Variants in WDPCP observed in about 807,000 individuals in gnomAD.
WDPCP encodes WD repeat-containing and planar cell polarity effector protein fritz homolog.
A neutral mutation model predicts 93.1 loss-of-function variants in WDPCP; 71 were observed. That is an observed-to-expected ratio of 0.76 (90% confidence interval 0.63 to 0.93). The LOEUF (loss-of-function observed/expected upper bound fraction) is 0.93. Among genes scored for constraint, WDPCP ranks in the 40% least tolerant of loss-of-function variants. The pLI, the probability that WDPCP is intolerant of heterozygous loss-of-function variation, is 0.00. For missense variants in WDPCP, 844 were observed against 887.4 expected, an observed-to-expected ratio of 0.95 and a Z score of 0.62; for synonymous variants, 315 against 315.0, an observed-to-expected ratio of 1.00 and a Z score of 0.00.
chr2:63,621,559 T>C (rs1460196572), intron 3 of WDPCP, among the ~76,000 whole-genome samples: 1 of 152,176 alleles, frequency 6.6e-6, no homozygotes, highest in Non-Finnish European at 1.5e-5. Context: ...TTGGTGTACC[T>C]GAAAGTGATG....
At chr2:63,208,300 A>G (rs1480234424) in intron 14 of WDPCP, among the ~76,000 whole-genome samples, 1 of 152,156 alleles carries the variant, frequency 6.6e-6, no homozygotes, top group Non-Finnish European at 1.5e-5. Context: ...TTTATGGAAA[A>G]CTGCCTTTTC....
intron 6 of WDPCP, among the ~76,000 whole-genome samples, chr2:63,451,458 T>G (rs1013456439): frequency 1.3e-5 from 2 of 152,156 alleles, no homozygotes; most frequent in African/African-American, 4.8e-5. Flanking sequence ...ATTAATAACT[T>G]GCCAACCAAA....
chr2:63,328,048 G>C (rs1483281523), intron 12 of WDPCP, among the ~76,000 whole-genome samples: 2 of 152,342 alleles, frequency 1.3e-5, no homozygotes, highest in East Asian at 1.9e-4. Context: ...TGTTTAGAGA[G>C]GGGATTGAGA....
At chr2:63,313,095 T>A (rs575063016) in intron 13 of WDPCP, among the ~76,000 whole-genome samples, 153 bp downstream of exon 13, 1 of 152,284 alleles carries the variant, frequency 6.6e-6, no homozygotes, top group South Asian at 2.1e-4. Flanking sequence ...ATTGACCAGT[T>A]TCACGAAAGC....
intron 3 of WDPCP, among the ~76,000 whole-genome samples, chr2:63,616,571 G>A (rs983231702): frequency 2.6e-5 from 4 of 152,036 alleles, no homozygotes; most frequent in Admixed American, 6.5e-5. Context: ...AAACAAAAAC[G>A]AAATAATTTT....
chr2:63,271,771 G>A (rs1161787877), intron 13 of WDPCP, among the ~76,000 whole-genome samples: 1 of 151,950 alleles, frequency 6.6e-6, no homozygotes, highest in East Asian at 1.9e-4. Context: ...ACCTGCACCT[G>A]CCTTTTGAGA....
rs559295906 is a variant in WDPCP at position 63,382,025 on chromosome 2, T to G, written c.1505A>C (p.Tyr502Ser). 6.2e-7 allele frequency: 1 copy of G among 1,613,362 alleles called. No individual in the cohort carries two copies. Among genetic ancestry groups the G allele is most frequent in the Non-Finnish European group, 8.5e-7 (1 of 1,179,718 alleles). ...GCTGCTCAGGATGTTTATTGCCTCA[T>G]AGATCTCATCACAGTGAATGTACTG... ...IFQYIHCDEI[Y>S]EAINILSSMN... is the part of the protein sequence containing the mutation. The change falls in exon 11 of 18, where the codon TAT (tyrosine) becomes TCT (serine). Residue 502 changes from tyrosine to serine, a missense_variant. By Grantham distance (144) the Tyr-to-Ser change is moderately radical. Transcript: ENST00000272321.
intron 13 of WDPCP, among the ~76,000 whole-genome samples, chr2:63,289,459 A>T (rs1457377906): frequency 6.6e-6 from 1 of 152,024 alleles, no homozygotes; most frequent in Non-Finnish European, 1.5e-5. Flanking sequence ...ATCTTTTTAG[A>T]GAAGTATTAT....
At chr2:63,375,975 G>T (rs921488756) in intron 12 of WDPCP, among the ~76,000 whole-genome samples, 1 of 151,770 alleles carries the variant, frequency 6.6e-6, no homozygotes, top group Non-Finnish European at 1.5e-5. Context: ...TGTCTAATAT[G>T]GTTTCTTTTT....
chr2:63,534,678 T>C (rs1379703261), intron 1 of WDPCP, among the ~76,000 whole-genome samples: 1 of 152,166 alleles, frequency 6.6e-6, no homozygotes, highest in Non-Finnish European at 1.5e-5. Context: ...TGCTAAAAAC[T>C]CTGAATAAAC....
chr2:63,369,326 A>C (rs1691193790), intron 12 of WDPCP: 3 of 438,030 alleles, frequency 6.8e-6, no homozygotes, highest in Non-Finnish European at 4.6e-6. Context: ...TGCTGACAAG[A>C]AGCATGATGA....
At chr2:63,307,957 A>C (rs1194315581) in intron 13 of WDPCP, among the ~76,000 whole-genome samples, 2 of 152,218 alleles carry the variant, frequency 1.3e-5, no homozygotes, top group Non-Finnish European at 2.9e-5. Context: ...AATGGGAGAA[A>C]ATTTTTGCAA....
chr2:63,639,459 C>T (rs1253282129), intron 3 of WDPCP, among the ~76,000 whole-genome samples: 2 of 151,972 alleles, frequency 1.3e-5, no homozygotes, highest in African/African-American at 4.8e-5. Context: ...AAGTTTATTT[C>T]TTATAGTTCT....
intron 13 of WDPCP, among the ~76,000 whole-genome samples, chr2:63,262,526 C>T: frequency 8.7e-6 from 1 of 115,332 alleles, no homozygotes; most frequent in South Asian, 3.0e-4. Context: ...CACTGATATA[C>T]AACCATATAA....
intron 14 of WDPCP, among the ~76,000 whole-genome samples, chr2:63,203,094 T>C (rs947063476): frequency 4.6e-5 from 7 of 152,204 alleles, no homozygotes; most frequent in Admixed American, 2.0e-4. Flanking sequence ...GTAAAGTTTG[T>C]ATTTATTCCA....
At chr2:63,340,092 T>C (rs766470506) in intron 12 of WDPCP, among the ~76,000 whole-genome samples, 2 of 152,214 alleles carry the variant, frequency 1.3e-5, no homozygotes, top group African/African-American at 4.8e-5. Flanking sequence ...CGTCTTTGCA[T>C]TGAAGGATTA....
chr2:63,163,774 C>T (rs1672787094), intron 15 of WDPCP, among the ~76,000 whole-genome samples: 1 of 151,944 alleles, frequency 6.6e-6, no homozygotes, highest in South Asian at 2.1e-4. Flanking sequence ...GCCAGGCATT[C>T]TGTTGACAAT....
intron 2 of WDPCP, among the ~76,000 whole-genome samples, chr2:63,662,518 G>C (rs1710236753): frequency 6.6e-6 from 1 of 152,012 alleles, no homozygotes; most frequent in Non-Finnish European, 1.5e-5. Context: ...GAGCAACATG[G>C]GAAGAGCCTA....
intron 12 of WDPCP, among the ~76,000 whole-genome samples, chr2:63,337,171 C>T (rs747810413): frequency 4.6e-5 from 7 of 152,182 alleles, no homozygotes; most frequent in Non-Finnish European, 8.8e-5. Flanking sequence ...GGATTACAGG[C>T]GTGAGCCACT....
Sources: gnomAD v4.1 joint callset for allele counts (sites outside exome capture counted in the v4.1 genomes callset) on GRCh38, gnomAD v4.1.1 for gene constraint, MANE v1.5 for transcripts, NCBI Gene and HGNC (gene_info 2026-07-23, HGNC 2026-07-21) for gene names.